Variants in PEX7 observed in about 807,000 individuals in gnomAD.
PEX7 encodes the protein peroxisomal biogenesis factor 7, also known as PTS2 receptor.
In PEX7, 34 loss-of-function variants were observed where a neutral mutation model predicts 47.5. That is an observed-to-expected ratio of 0.72 (90% CI 0.54 to 0.95). The LOEUF is 0.95. Among genes scored for constraint, PEX7 ranks in the 40% least tolerant of loss-of-function variants. The pLI is 0.00. For missense variants in PEX7, 394 were observed against 400.3 expected (o/e 0.98, Z 0.13); for synonymous variants, 141 against 148.8 (o/e 0.95, Z 0.38).
At chr6:136,892,386 G>A (rs1242445924) in intron 8 of PEX7, among the ~76,000 whole-genome samples, 1 of 152,164 alleles carries the variant, frequency 6.6e-6, no homozygotes. Context: ...TTTCTGGCAT[G>A]ACCTAGGCCT....
At chr6:136,875,069 G>C (rs560851329) in intron 8 of PEX7, among the ~76,000 whole-genome samples, 1 of 152,042 alleles carries the variant, frequency 6.6e-6, no homozygotes, top group East Asian at 1.9e-4. Context: ...AACCCAGGTG[G>C]CAGAAGTTGC....
At chr6:136,901,425 G>A (rs920154896) in intron 9 of PEX7, 1 of 152,214 alleles carries the variant, frequency 6.6e-6, no homozygotes, top group African/African-American at 2.4e-5. Flanking sequence ...CCACCCATGT[G>A]GTTCCAGCCA....
chr6:136,870,348 C>G (rs927948793), intron 7 of PEX7, among the ~76,000 whole-genome samples: 2 of 152,108 alleles, frequency 1.3e-5, no homozygotes, highest in African/African-American at 4.8e-5. Flanking sequence ...TAGCGAGAGT[C>G]TCTACTTTGT....
At chr6:136,892,453 T>A (rs1216346720) in intron 8 of PEX7, among the ~76,000 whole-genome samples, 1 of 152,202 alleles carries the variant, frequency 6.6e-6, no homozygotes. Flanking sequence ...AGACATGATG[T>A]CAGGAGAGTC....
At chr6:136,829,586 AAAAGGATTT>A (rs1264038630) in intron 3 of PEX7, among the ~76,000 whole-genome samples, 2 of 152,180 alleles carry the variant, frequency 1.3e-5, no homozygotes, top group African/African-American at 4.8e-5. Flanking sequence ...AAAAATACTT[AAAAGGATTT>A]AAGCTCAAAT....
intron 9 of PEX7, among the ~76,000 whole-genome samples, chr6:136,906,749 C>G (rs73553216): frequency 0.04 from 6,122 of 152,188 alleles, 439 homozygotes; most frequent in African/African-American, 0.14. Context: ...TTTGAAATTC[C>G]TGGACAATCA....
intron 5 of PEX7, among the ~76,000 whole-genome samples, chr6:136,854,038 G>A (rs1481065343): frequency 6.6e-6 from 1 of 150,858 alleles, no homozygotes; most frequent in Non-Finnish European, 1.5e-5. Context: ...TCCCAAGCCT[G>A]CATCCTTCTT....
At chr6:136,857,100 G>A (rs1774874606) in intron 5 of PEX7, among the ~76,000 whole-genome samples, 1 of 152,218 alleles carries the variant, frequency 6.6e-6, no homozygotes, top group South Asian at 2.1e-4. Context: ...TTGGGGTGTA[G>A]TAAAAAGTCA....
intron 9 of PEX7, among the ~76,000 whole-genome samples, chr6:136,898,873 T>C (rs1775700139): frequency 6.6e-6 from 1 of 151,930 alleles, no homozygotes; most frequent in South Asian, 2.1e-4. Flanking sequence ...CACTACAATA[T>C]GTTGAGTGAT....
In PEX7 at chr6:136,822,682, G is replaced by C. The variant is rs1774097181; in HGVS notation, c.17G>C (p.Gly6Ala). MSAVC[G>A]GAARMLRTPG... ...GCGGGCGGGATGAGTGCGGTGTGCG[G>C]TGGAGCGGCGCGGATGCTGCGGACG... Residue 6 changes from glycine (G) to alanine (A), a missense_variant, in exon 1 of 10, where the codon GGT becomes GCT. Physicochemically the swap from Gly to Ala is moderately conservative, Grantham distance 60 (BLOSUM62 0). Transcript: ENST00000318471. The C allele has an allele frequency of 6.6e-7, 1 of 1,522,674 alleles. No individual in the cohort carries two copies. Among genetic ancestry groups the C allele is most frequent in the African/African-American group, 1.4e-5 (1 of 71,102 alleles). The allele number at this position is 1,522,674 out of a possible 1,614,324, so 94.3% of individuals were successfully genotyped here. A position where few individuals can be genotyped will look rare whatever the true frequency, so the allele number is the denominator to read the frequency against.
At chr6:136,897,183 C>T (rs116639326) in intron 8 of PEX7, among the ~76,000 whole-genome samples, 1 of 152,182 alleles carries the variant, frequency 6.6e-6, no homozygotes, top group African/African-American at 2.4e-5. Context: ...AATAATACCA[C>T]CAGGTTAAAC....
At chr6:136,838,058 C>T (rs975642434) in intron 3 of PEX7, among the ~76,000 whole-genome samples, 1 of 152,102 alleles carries the variant, frequency 6.6e-6, no homozygotes, top group Non-Finnish European at 1.5e-5. Flanking sequence ...AGAGTTCTAG[C>T]TAATAAATGC....
chr6:136,896,240 A>C (rs1381134340), intron 8 of PEX7, among the ~76,000 whole-genome samples: 2 of 152,212 alleles, frequency 1.3e-5, no homozygotes, highest in Non-Finnish European at 2.9e-5. Flanking sequence ...ACCAGTTTTT[A>C]TGGTTTACAT....
At chr6:136,857,314 A>T (rs1308343468) in intron 5 of PEX7, among the ~76,000 whole-genome samples, 1 of 152,200 alleles carries the variant, frequency 6.6e-6, no homozygotes, top group African/African-American at 2.4e-5. Flanking sequence ...AATATTTTTG[A>T]TAGTTATTAT....
chr6:136,847,557 A>C (rs1197713544), intron 5 of PEX7, among the ~76,000 whole-genome samples: 1 of 151,622 alleles, frequency 6.6e-6, no homozygotes, highest in African/African-American at 2.4e-5. Context: ...TCAGCTTTCT[A>C]CATATGGCTA....
chr6:136,863,601 C>A (rs1775004933), intron 5 of PEX7, among the ~76,000 whole-genome samples: 1 of 151,968 alleles, frequency 6.6e-6, no homozygotes, highest in African/African-American at 2.4e-5. Context: ...AAATTTTTCT[C>A]CGATTTATAG....
chr6:136,854,385 C>T (rs1774821309), intron 5 of PEX7, among the ~76,000 whole-genome samples: 2 of 152,092 alleles, frequency 1.3e-5, no homozygotes, highest in Non-Finnish European at 2.9e-5. Flanking sequence ...CAGGGTTTCA[C>T]CATGTTGGCT....
chr6:136,853,397 G>T (rs959798812), intron 5 of PEX7, among the ~76,000 whole-genome samples: 4 of 152,178 alleles, frequency 2.6e-5, no homozygotes, highest in Non-Finnish European at 5.9e-5. Flanking sequence ...AGGAGGTGGT[G>T]CTCCTAATAG....
At chr6:136,827,576 A>G (rs1774218526) in intron 3 of PEX7, among the ~76,000 whole-genome samples, 1 of 149,100 alleles carries the variant, frequency 6.7e-6, no homozygotes, top group Middle Eastern at 3.7e-3. Context: ...TGCCCAGGCT[A>G]GAGTGCAGTG....
Sources: gnomAD v4.1 joint callset for allele counts (sites outside exome capture counted in the v4.1 genomes callset) on GRCh38, gnomAD v4.1.1 for gene constraint, MANE v1.5 for transcripts, NCBI Gene and HGNC (gene_info 2026-07-23, HGNC 2026-07-21) for gene names.